Variants in CALN1 observed in about 807,000 individuals in gnomAD.
CALN1 encodes calcium-binding protein 8.
CALN1 carries 17 observed loss-of-function variants against 30.6 expected under a neutral mutation model. That is an observed-to-expected ratio of 0.56 (90% CI 0.38 to 0.83). The LOEUF (loss-of-function observed/expected upper bound fraction) is 0.83, where lower values mean the gene tolerates loss of function less well. Ranked by LOEUF, CALN1 falls within the 40% of genes least tolerant of loss-of-function variation. The pLI, the probability that CALN1 is intolerant of heterozygous loss-of-function variation, is 0.00. For missense variants in CALN1, 291 were observed against 354.9 expected (o/e 0.82, Z 1.45); for synonymous variants, 156 against 131.4 (o/e 1.19, Z -1.28).
At chr7:71,894,381 C>CA (rs912101997) in intron 5 of CALN1, among the ~76,000 whole-genome samples, 37 of 152,180 alleles carry the variant, frequency 2.4e-4, no homozygotes, top group African/African-American at 8.7e-4. Context: ...GCTGTCACCT[C>CA]AGCCTTCTGA....
chr7:72,151,869 A>G (rs1353483852), intron 3 of CALN1, among the ~76,000 whole-genome samples: 1 of 148,510 alleles, frequency 6.7e-6, no homozygotes, highest in African/African-American at 2.5e-5. Context: ...ATATCACCAC[A>G]CCTGGCTATT....
the CALN1 span, among the ~76,000 whole-genome samples, chr7:72,481,261 T>C: frequency 2.0e-5 from 3 of 152,190 alleles, no homozygotes; most frequent in African/African-American, 7.2e-5. Context: ...CTAATTTTTG[T>C]ATTTTTAGTA....
At chr7:72,037,677 G>A (rs1801883952) in intron 4 of CALN1, among the ~76,000 whole-genome samples, 1 of 152,162 alleles carries the variant, frequency 6.6e-6, no homozygotes, top group Admixed American at 6.5e-5. Flanking sequence ...CTGTGTGCAA[G>A]CTACTCCTGG....
chr7:72,338,644 G>A (rs1786469970), intron 2 of CALN1, among the ~76,000 whole-genome samples: 1 of 151,872 alleles, frequency 6.6e-6, no homozygotes. Context: ...TACTTCCCTA[G>A]TAATCTTTTT....
At chr7:72,304,235 G>A (rs1006583541) in intron 2 of CALN1, among the ~76,000 whole-genome samples, 2 of 152,222 alleles carry the variant, frequency 1.3e-5, no homozygotes, top group African/African-American at 4.8e-5. Flanking sequence ...AAATAAAAAT[G>A]TGACTGGCAG....
At chr7:72,486,385 T>G in the CALN1 span, among the ~76,000 whole-genome samples, 1 of 152,116 alleles carries the variant, frequency 6.6e-6, no homozygotes, top group Non-Finnish European at 1.5e-5. Context: ...AATAACTTTT[T>G]TTTTGAGATG....
intron 5 of CALN1, among the ~76,000 whole-genome samples, chr7:71,964,473 T>C (rs1049647722): frequency 5.3e-5 from 8 of 152,198 alleles, no homozygotes; most frequent in African/African-American, 9.7e-5. Flanking sequence ...GTTCTTGCCC[T>C]AGTGTACTGG....
intron 2 of CALN1, among the ~76,000 whole-genome samples, chr7:72,379,867 C>A (rs1804785533): frequency 6.6e-6 from 1 of 152,188 alleles, no homozygotes; most frequent in Non-Finnish European, 1.5e-5. Flanking sequence ...ATGGCCACCT[C>A]CCAGGTGCAT....
intron 1 of CALN1, among the ~76,000 whole-genome samples, chr7:72,445,057 AACACACACACACAC>A (rs4029789): frequency 0.16 from 22,919 of 138,906 alleles, 1,915 homozygotes; most frequent in Non-Finnish European, 0.19. Flanking sequence ...CAGTGAATTA[AACACACACACACAC>A]ACACACACAC....
At chr7:72,368,078 G>A (rs762062179) in intron 2 of CALN1, among the ~76,000 whole-genome samples, 5 of 151,872 alleles carry the variant, frequency 3.3e-5, no homozygotes, top group African/African-American at 7.2e-5. Flanking sequence ...CCGAGACTGC[G>A]CCACTGCACT....
At chr7:72,271,922 C>T (rs1200287951) in intron 3 of CALN1, among the ~76,000 whole-genome samples, 1 of 151,442 alleles carries the variant, frequency 6.6e-6, no homozygotes, top group Non-Finnish European at 1.5e-5. Context: ...TGTAGGCGGG[C>T]GTGATGGTGG....
At chr7:72,260,059 C>A (rs1391337900) in intron 3 of CALN1, among the ~76,000 whole-genome samples, 1 of 152,178 alleles carries the variant, frequency 6.6e-6, no homozygotes, top group Admixed American at 6.5e-5. Context: ...TAGTGAGATA[C>A]CATCTCTACA....
At position 72,075,720 on chromosome 7, in the gene CALN1, G is replaced by C. The variant is rs376136203; in HGVS notation, c.388+30431C>G. The stretch of plus-strand genomic sequence containing the variant: ...CGTATTCAGATTCCCTGTGACACTG[G>C]TGGCTTCTCACTGTCAAGTTTGCTC... On this transcript the variant is annotated intron_variant, in intron 4 of 6. Transcript: ENST00000395275. Among the ~76,000 whole-genome samples, 7 of 152,286 alleles carry C rather than the reference G, an allele frequency of 4.6e-5. No homozygotes were observed. In the South Asian group the frequency reaches 1.5e-3, roughly 32 times the overall value.
At chr7:72,106,017 C>T in intron 4 of CALN1, 134 bp downstream of exon 4, 1 of 1,216,334 alleles carries the variant, frequency 8.2e-7, no homozygotes, top group Non-Finnish European at 1.1e-6. Context: ...AAAGCCTGTT[C>T]TAGTCCAAGT....
intron 5 of CALN1, among the ~76,000 whole-genome samples, chr7:71,977,150 A>G (rs957676221): frequency 6.6e-6 from 1 of 152,228 alleles, no homozygotes; most frequent in Non-Finnish European, 1.5e-5. Flanking sequence ...ACCAAAATCA[A>G]TTCTAGTGCA....
At chr7:71,859,072 T>C (rs1450931148) in intron 5 of CALN1, among the ~76,000 whole-genome samples, 1 of 152,142 alleles carries the variant, frequency 6.6e-6, no homozygotes, top group Non-Finnish European at 1.5e-5. Flanking sequence ...TGTTTGTTTG[T>C]TTGTTTTTGG....
At chr7:72,467,828 T>C in the CALN1 span, among the ~76,000 whole-genome samples, 307 of 152,296 alleles carry the variant, frequency 2.0e-3, 1 homozygote, top group African/African-American at 6.6e-3. Context: ...TTGCAAAACA[T>C]TGCATCGCCA....
intron 5 of CALN1, among the ~76,000 whole-genome samples, chr7:71,950,834 G>A (rs1337793394): frequency 1.3e-5 from 2 of 152,136 alleles, no homozygotes; most frequent in Non-Finnish European, 2.9e-5. Context: ...ATGCCAAGCT[G>A]CTCCCACCTT....
intron 5 of CALN1, among the ~76,000 whole-genome samples, chr7:71,909,437 T>C (rs990907865): frequency 6.6e-6 from 1 of 151,744 alleles, no homozygotes; most frequent in Non-Finnish European, 1.5e-5. Flanking sequence ...AAACACTTAC[T>C]GGTTAAAAAA....
Sources: allele counts gnomAD v4.1 joint callset (sites outside exome capture counted in the v4.1 genomes callset), GRCh38; gene constraint gnomAD v4.1.1; transcripts MANE v1.5; gene names NCBI Gene and HGNC (gene_info 2026-07-23, HGNC 2026-07-21).